The following PTPRD variants were observed in gnomAD, a reference collection of about 807,000 sequenced individuals.
The protein encoded by PTPRD is receptor-type tyrosine-protein phosphatase delta.
A neutral mutation model predicts 214.5 loss-of-function variants in PTPRD; 34 were observed. The ratio of observed to expected loss-of-function variants is 0.16; its 90% confidence interval spans 0.12 to 0.21. PTPRD has a LOEUF of 0.21. PTPRD is among the 10% of genes least tolerant of loss of function. The pLI, the probability that PTPRD is intolerant of heterozygous loss-of-function variation, is 1.00. For synonymous variants in PTPRD, 1,128 were observed against 845.7 expected (o/e 1.33, Z -5.79); for missense variants, 2,545 against 2,398.7 (o/e 1.06, Z -1.27).
At chr9:8,625,454 T>TA (rs1320618788) in intron 14 of PTPRD, among the ~76,000 whole-genome samples, 1 of 151,828 alleles carries the variant, frequency 6.6e-6, no homozygotes, top group African/African-American at 2.4e-5. Flanking sequence ...AGAAAATATC[T>TA]AAAAACTGTT....
rs928899474 is a variant in PTPRD at position 10,518,804 on chromosome 9, T to C, written c.-600+93594A>G. ...GCCTTGGCCTCCCAAAGTGCTGGGA[T>C]TACAGGCGTGAGCCACCGCGCTCAG... On this transcript the variant is annotated intron_variant, in intron 2 of 45. Transcript: ENST00000381196. Among the ~76,000 whole-genome samples the C allele has an allele frequency of 2.6e-5, 4 of 152,030 alleles. No individual in the cohort carries two copies. The South Asian group carries it at 8.3e-4, about 31-fold the overall frequency.
chr9:9,052,971 C>T (rs1344796064), intron 10 of PTPRD, among the ~76,000 whole-genome samples: 2 of 152,144 alleles, frequency 1.3e-5, no homozygotes, highest in African/African-American at 2.4e-5. Context: ...CTAACTTACT[C>T]ATGTGATGAG....
chr9:9,062,238 G>C lies in PTPRD; in HGVS notation c.-142-43503C>G, dbSNP rs189725452. Among the ~76,000 whole-genome samples the C allele has an allele frequency of 1.1e-3, 166 of 152,220 alleles. 1 individual carries two copies. Among genetic ancestry groups the C allele is most frequent in the South Asian group, 2.7e-3 (13 of 4,824 alleles). ...AAGTAGAATTACATGTCAAAGCACA[G>C]TTTGACCTTCATTTTAATAACCAGG... On this transcript the variant is annotated intron_variant, in intron 10 of 45. Transcript: ENST00000381196.
chr9:10,273,102 GAGA>G (rs985749125), intron 3 of PTPRD, among the ~76,000 whole-genome samples: 6 of 152,154 alleles, frequency 3.9e-5, no homozygotes, highest in Admixed American at 3.3e-4. Flanking sequence ...CTGATATTCA[GAGA>G]AGAACTTACC....
At chr9:8,569,141 G>A (rs1050385553) in intron 14 of PTPRD, among the ~76,000 whole-genome samples, 1 of 152,028 alleles carries the variant, frequency 6.6e-6, no homozygotes, top group East Asian at 1.9e-4. Flanking sequence ...TTTAACCCAC[G>A]TAGGTGAAAC....
At chr9:8,853,260 G>A (rs568313547) in intron 11 of PTPRD, among the ~76,000 whole-genome samples, 13 of 152,200 alleles carry the variant, frequency 8.5e-5, no homozygotes, top group African/African-American at 2.9e-4. Context: ...TTTGCTCTTT[G>A]ACCTTCCTAA....
chr9:8,388,850 T>A lies in PTPRD; in HGVS notation c.4386+382A>T, dbSNP rs1168077906. ...CTGCAGATTTTAAGAAAGAAAAAGT[T>A]GAAAATAGTGGAAGTACATATTGGT... On this transcript the variant is annotated intron_variant, in intron 37 of 45. Transcript: ENST00000381196. 5.3e-5 allele frequency among the ~76,000 whole-genome samples: 8 copies of A among 152,324 alleles called. No homozygotes were observed. The East Asian group carries it at 1.5e-3, about 29-fold the overall frequency.
At chr9:10,138,828 G>T (rs574945501) in intron 3 of PTPRD, among the ~76,000 whole-genome samples, 1 of 152,114 alleles carries the variant, frequency 6.6e-6, no homozygotes, top group South Asian at 2.1e-4. Context: ...TTCAGAAAAA[G>T]CTTTTGATAA....
chr9:10,094,520 G>T (rs1199432007), intron 3 of PTPRD, among the ~76,000 whole-genome samples: 118 of 137,734 alleles, frequency 8.6e-4, no homozygotes, highest in East Asian at 6.1e-3. Context: ...CAACAGTATG[G>T]TTTTTTTTTT....
At chr9:8,435,786 G>T (rs1034597746) in intron 35 of PTPRD, among the ~76,000 whole-genome samples, 2 of 151,622 alleles carry the variant, frequency 1.3e-5, no homozygotes, top group Non-Finnish European at 2.9e-5. Flanking sequence ...AATTCACAAA[G>T]AATCTTTAAG....
chr9:9,127,879 C>T lies in PTPRD; in HGVS notation c.-143+55425G>A, dbSNP rs901429641. ...AAAAGGAAGCACCCTGTTTGAATTTCGTATATCTTCTAACTTTGCCAGAAT... is the reference window on the plus strand; with the variant it reads ...AAAAGGAAGCACCCTGTTTGAATTTTGTATATCTTCTAACTTTGCCAGAAT... On this transcript the variant is annotated intron_variant, in intron 10 of 45. Transcript: ENST00000381196. 5.3e-5 allele frequency among the ~76,000 whole-genome samples: 8 copies of T among 152,282 alleles called. No homozygotes were observed. In the South Asian group the frequency reaches 1.5e-3, roughly 28 times the overall value.
At chr9:9,167,051 A>G (rs1019769104) in intron 10 of PTPRD, among the ~76,000 whole-genome samples, 1 of 152,294 alleles carries the variant, frequency 6.6e-6, no homozygotes, top group Admixed American at 6.5e-5. Context: ...AAAAAACTAA[A>G]GCCCAGAGAG....
intron 2 of PTPRD, among the ~76,000 whole-genome samples, chr9:10,341,501 T>C (rs2096938684): frequency 6.6e-6 from 1 of 151,936 alleles, no homozygotes; most frequent in Non-Finnish European, 1.5e-5. Context: ...TCAAAGATAA[T>C]ATTGGGTGCA....
intron 9 of PTPRD, among the ~76,000 whole-genome samples, chr9:9,224,125 T>C (rs933974013): frequency 3.3e-5 from 5 of 151,942 alleles, no homozygotes; most frequent in African/African-American, 1.2e-4. Flanking sequence ...TCCTCAAGAT[T>C]CTTACAAATG....
chr9:9,223,165 C>T (rs531906941), intron 9 of PTPRD, among the ~76,000 whole-genome samples: 2 of 151,936 alleles, frequency 1.3e-5, no homozygotes, highest in Admixed American at 1.3e-4. Flanking sequence ...TCTAAGTGGG[C>T]AGATATTTTT....
At chr9:9,975,053 TATCACAATCA>T (rs35571192) in intron 4 of PTPRD, among the ~76,000 whole-genome samples, 26,666 of 151,990 alleles carry the variant, frequency 0.18, 3,129 homozygotes, top group African/African-American at 0.33. Flanking sequence ...GAGAAGGTCG[TATCACAATCA>T]ACTGAGGATT....
At chr9:9,030,989 G>A (rs909189339) in intron 10 of PTPRD, among the ~76,000 whole-genome samples, 2 of 151,926 alleles carry the variant, frequency 1.3e-5, no homozygotes, top group Non-Finnish European at 2.9e-5. Flanking sequence ...AGATGGCTGA[G>A]TCTGATATAA....
rs188407755 is a variant in PTPRD at position 9,968,336 on chromosome 9, C to T, written c.-471-29726G>A. Among the ~76,000 whole-genome samples the T allele has an allele frequency of 1.1e-3, 169 of 152,212 alleles. 4 individuals are homozygous for T. The highest frequency in any genetic ancestry group is 0.01 in the Admixed American group (154 of 15,280). Reference sequence around the variant, plus strand: ...TCATTCAGTAGTACAACCCCTAAAACGTCATTTTGCACTGTCTTATTAAGA... The same window carrying T: ...TCATTCAGTAGTACAACCCCTAAAATGTCATTTTGCACTGTCTTATTAAGA... On this transcript the variant is annotated intron_variant, in intron 4 of 45. Coordinates refer to ENST00000381196, the MANE Select transcript of PTPRD (RefSeq NM_002839.4).
chr9:9,698,327 C>G (rs1397634734), intron 7 of PTPRD, among the ~76,000 whole-genome samples: 1 of 152,152 alleles, frequency 6.6e-6, no homozygotes, highest in Non-Finnish European at 1.5e-5. Context: ...TACTGAGTAT[C>G]TTTTCTGCTA....
Sources: allele counts gnomAD v4.1 joint callset (sites outside exome capture counted in the v4.1 genomes callset), GRCh38; gene constraint gnomAD v4.1.1; transcripts MANE v1.5; gene names NCBI Gene and HGNC (gene_info 2026-07-23, HGNC 2026-07-21).